DLG2: variants seen among roughly 807,000 people sequenced by gnomAD.
The protein encoded by DLG2 is disks large homolog 2.
Under a neutral mutation model 132.5 loss-of-function variants are expected in DLG2, and 45 were observed. The ratio of observed to expected loss-of-function variants is 0.34; its 90% confidence interval spans 0.27 to 0.44. The LOEUF (loss-of-function observed/expected upper bound fraction) is 0.44, where lower values mean the gene tolerates loss of function less well. Ranked by LOEUF, DLG2 falls within the 20% of genes least tolerant of loss-of-function variation. DLG2 has a pLI of 1.00. For missense variants in DLG2, 1,045 were observed against 1,196.9 expected (o/e 0.87, Z 1.87); for synonymous variants, 424 against 419.6 (o/e 1.01, Z -0.13).
chr11:83,668,632 T>C (rs1245496008), intron 18 of DLG2, among the ~76,000 whole-genome samples: 1 of 150,608 alleles, frequency 6.6e-6, no homozygotes, highest in Admixed American at 6.6e-5. Context: ...CACACACACA[T>C]GTATATATAC....
chr11:84,917,802 A>G (rs1344368824), intron 6 of DLG2, among the ~76,000 whole-genome samples: 1 of 152,176 alleles, frequency 6.6e-6, no homozygotes, highest in East Asian at 1.9e-4. Flanking sequence ...TATAAACCCA[A>G]TATACCAAAT....
At chr11:85,529,997 T>TG (rs1280861640) in intron 3 of DLG2, among the ~76,000 whole-genome samples, 45 of 150,640 alleles carry the variant, frequency 3.0e-4, no homozygotes, top group African/African-American at 1.1e-3. Flanking sequence ...GTTTTTTTTT[T>TG]TTTTTTTTTG....
intron 7 of DLG2, among the ~76,000 whole-genome samples, chr11:84,462,228 C>A (rs1374927168): frequency 6.6e-6 from 1 of 151,030 alleles, no homozygotes; most frequent in Non-Finnish European, 1.5e-5. Flanking sequence ...GGTTCCCAAG[C>A]AGTCAGGGAC....
chr11:84,385,249 A>C (rs2098765068), intron 7 of DLG2, among the ~76,000 whole-genome samples: 1 of 152,152 alleles, frequency 6.6e-6, no homozygotes, highest in African/African-American at 2.4e-5. Context: ...AGTTTTAAAA[A>C]AAATCAAAGA....
chr11:84,139,426 G>A (rs1315394790), intron 9 of DLG2, among the ~76,000 whole-genome samples: 1 of 152,158 alleles, frequency 6.6e-6, no homozygotes, highest in Non-Finnish European at 1.5e-5. Context: ...ATCTTCAGAA[G>A]AGAAGACGAA....
intron 6 of DLG2, among the ~76,000 whole-genome samples, chr11:84,979,750 A>G (rs900049666): frequency 3.3e-5 from 5 of 152,176 alleles, no homozygotes; most frequent in African/African-American, 1.2e-4. Flanking sequence ...GCACATGTAT[A>G]CATATGTAAC....
intron 4 of DLG2, among the ~76,000 whole-genome samples, chr11:85,215,211 T>A (rs1219825884): frequency 6.6e-6 from 1 of 152,210 alleles, no homozygotes; most frequent in East Asian, 1.9e-4. Flanking sequence ...TGTTTGATGT[T>A]ATAAGTCCAT....
At chr11:83,667,919 T>C (rs966994403) in intron 18 of DLG2, among the ~76,000 whole-genome samples, 1 of 123,492 alleles carries the variant, frequency 8.1e-6, no homozygotes, top group African/African-American at 3.2e-5. Flanking sequence ...CAGAGTGCAG[T>C]GAGCCGAGAC....
intron 7 of DLG2, among the ~76,000 whole-genome samples, chr11:84,309,285 A>C (rs1354039978): frequency 1.3e-5 from 2 of 152,218 alleles, no homozygotes; most frequent in Non-Finnish European, 2.9e-5. Flanking sequence ...CTAAATTCTG[A>C]GTAAAAAAAC....
chr11:85,280,151 T>C (rs895209688), intron 4 of DLG2, among the ~76,000 whole-genome samples: 5 of 152,012 alleles, frequency 3.3e-5, no homozygotes, highest in African/African-American at 1.2e-4. Flanking sequence ...CCCTGACATA[T>C]AGTTTTTATC....
chr11:84,169,872 C>CAA (rs11358686), intron 8 of DLG2, among the ~76,000 whole-genome samples: 2 of 141,560 alleles, frequency 1.4e-5, no homozygotes, highest in African/African-American at 2.6e-5. Flanking sequence ...GACTTGGTCT[C>CAA]AAAAAAAAAA....
intron 14 of DLG2, among the ~76,000 whole-genome samples, chr11:83,932,632 C>A (rs965003844): frequency 6.6e-6 from 1 of 151,918 alleles, no homozygotes; most frequent in African/African-American, 2.4e-5. Context: ...ACAGAAAGTA[C>A]AACATAGGCT....
At chr11:85,239,622 A>C (rs1178966526) in intron 4 of DLG2, among the ~76,000 whole-genome samples, 1 of 152,022 alleles carries the variant, frequency 6.6e-6, no homozygotes, top group African/African-American at 2.4e-5. Flanking sequence ...TGAACTTTAA[A>C]TATAGTGGTT....
intron 6 of DLG2, among the ~76,000 whole-genome samples, chr11:85,096,665 C>T (rs1342133382): frequency 2.0e-5 from 3 of 151,958 alleles, no homozygotes; most frequent in African/African-American, 4.8e-5. Context: ...AGATGGGACA[C>T]ATTTTGGCGA....
intron 18 of DLG2, among the ~76,000 whole-genome samples, chr11:83,768,589 T>C (rs1594009581): frequency 6.6e-6 from 1 of 152,326 alleles, no homozygotes; most frequent in African/African-American, 2.4e-5. Flanking sequence ...ATAGTTGGTG[T>C]ATATTTTATT....
intron 12 of DLG2, among the ~76,000 whole-genome samples, chr11:83,968,447 T>C (rs958327777): frequency 2.6e-5 from 4 of 152,216 alleles, no homozygotes; most frequent in Admixed American, 1.3e-4. Context: ...GGCATTTGTT[T>C]ATTCACTGAT....
At chr11:84,147,291 G>A (rs540307751) in intron 9 of DLG2, among the ~76,000 whole-genome samples, 7 of 152,230 alleles carry the variant, frequency 4.6e-5, no homozygotes, top group Non-Finnish European at 8.8e-5. Flanking sequence ...TGTGTGACCA[G>A]GGGTACTATG....
intron 3 of DLG2, among the ~76,000 whole-genome samples, chr11:85,527,702 G>T (rs2074887535): frequency 6.6e-6 from 1 of 152,010 alleles, no homozygotes; most frequent in African/African-American, 2.4e-5. Flanking sequence ...AATCCTTTGG[G>T]TATATACCCA....
intron 6 of DLG2, among the ~76,000 whole-genome samples, chr11:84,858,677 A>C (rs2083127049): frequency 6.6e-6 from 1 of 152,126 alleles, no homozygotes; most frequent in Admixed American, 6.6e-5. Context: ...ACAAGTACTC[A>C]ATTACTTGAG....
Sources: allele counts gnomAD v4.1 joint callset (sites outside exome capture counted in the v4.1 genomes callset), GRCh38; gene constraint gnomAD v4.1.1; transcripts MANE v1.5; gene names NCBI Gene and HGNC (gene_info 2026-07-23, HGNC 2026-07-21).